Variants in PLAAT3 observed in about 807,000 individuals in gnomAD.
PLAAT3 encodes the protein Ca-independent phospholipase A1/2.
Under a neutral mutation model 16.7 loss-of-function variants are expected in PLAAT3, and 21 were observed. The observed-to-expected ratio is 1.26, with a 90% CI of 0.89 to 1.81. The LOEUF is 1.81. PLAAT3 is among the 40% of genes most tolerant of loss of function. The pLI, the probability that PLAAT3 is intolerant of heterozygous loss-of-function variation, is 0.00. For missense variants in PLAAT3, 219 were observed against 213.7 expected, an observed-to-expected ratio of 1.02 and a Z score of -0.16; for synonymous variants, 76 against 81.7, an observed-to-expected ratio of 0.93 and a Z score of 0.38.
At chr11:63,600,591 T>TGTTTC (rs1285816889) in intron 2 of PLAAT3, among the ~76,000 whole-genome samples, 1 of 148,118 alleles carries the variant, frequency 6.8e-6, no homozygotes, top group Non-Finnish European at 1.5e-5. Flanking sequence ...TTGTTTTTTT[T>TGTTTC]GTTTTGTTTT....
intron 4 of PLAAT3, among the ~76,000 whole-genome samples, chr11:63,577,486 A>C (rs1237889293): frequency 6.6e-6 from 1 of 152,140 alleles, no homozygotes; most frequent in East Asian, 1.9e-4. Flanking sequence ...GTGTACTTTT[A>C]ATCATGAGCA....
Position 63,590,310 on chromosome 11 carries a change from G to A in PLAAT3, c.177C>T (p.Ile59=), listed in dbSNP as rs138295918. Residue 59 remains isoleucine (I), a synonymous_variant, in exon 4 of 5, where the codon ATC becomes ATT. Coordinates refer to ENST00000415826, the MANE Select transcript of PLAAT3 (RefSeq NM_001128203.2). ...CATCATACAGCAATTCCTTCTTCAC[G>A]ATGGCCTTGTCAGTCAGGGCGGACA... ...SVMSALTDKA[I]VKKELLYDVA... 6.3e-5 allele frequency: 101 copies of A among 1,613,924 alleles called. No individual in the cohort carries two copies. Among genetic ancestry groups the A allele is most frequent in the African/African-American group, 3.6e-4 (27 of 74,930 alleles).
intron 4 of PLAAT3, among the ~76,000 whole-genome samples, chr11:63,589,886 A>T (rs1938096300): frequency 7.0e-6 from 1 of 142,252 alleles, no homozygotes; most frequent in African/African-American, 2.6e-5. Flanking sequence ...TTCCTTGGCC[A>T]CCCACCCCCG....
chr11:63,590,722 G>A (rs894285713), intron 3 of PLAAT3, among the ~76,000 whole-genome samples: 8 of 152,202 alleles, frequency 5.3e-5, no homozygotes, highest in African/African-American at 1.7e-4. Flanking sequence ...AGACTTTTAT[G>A]ATGGCATCAG....
At chr11:63,579,443 A>G (rs1343108574) in intron 4 of PLAAT3, among the ~76,000 whole-genome samples, 1 of 152,116 alleles carries the variant, frequency 6.6e-6, no homozygotes, top group African/African-American at 2.4e-5. Context: ...TTGCAGCACT[A>G]TTCACAATAG....
At chr11:63,615,102 A>ATATGTGTG (rs1565259667), upstream of PLAAT3, among the ~76,000 whole-genome samples, 2 of 69,824 alleles carry the variant, frequency 2.9e-5, no homozygotes, top group Admixed American at 1.6e-4. Context: ...ATATATGTGT[A>ATATGTGTG]TATATGTGTG....
chr11:63,609,887 C>T (rs1184267775), intron 2 of PLAAT3, among the ~76,000 whole-genome samples: 1 of 152,210 alleles, frequency 6.6e-6, no homozygotes, highest in East Asian at 1.9e-4. Flanking sequence ...GGGCAAACCT[C>T]ACCTTCTGGT....
intron 2 of PLAAT3, among the ~76,000 whole-genome samples, chr11:63,609,813 A>G (rs761211989): frequency 7.9e-4 from 120 of 152,164 alleles, no homozygotes; most frequent in Non-Finnish European, 1.2e-3. Context: ...CATCCTGGAA[A>G]AGGAAGCAAA....
chr11:63,579,962 G>A (rs1937759589), intron 4 of PLAAT3, among the ~76,000 whole-genome samples: 1 of 151,010 alleles, frequency 6.6e-6, no homozygotes, highest in African/African-American at 2.4e-5. Context: ...TCTATACCCA[G>A]ACAAAGTATC....
At chr11:63,594,014 G>T (rs369538814) in intron 3 of PLAAT3, among the ~76,000 whole-genome samples, 9 of 152,194 alleles carry the variant, frequency 5.9e-5, no homozygotes, top group African/African-American at 2.2e-4. Context: ...ATACCAGGGC[G>T]CTGCAGTGGG....
intron 3 of PLAAT3, among the ~76,000 whole-genome samples, chr11:63,593,096 C>T (rs1448018830): frequency 6.6e-6 from 1 of 152,150 alleles, no homozygotes; most frequent in Non-Finnish European, 1.5e-5. Context: ...ATACTGAGGC[C>T]CTACTGGGTG....
At chr11:63,589,756 T>G (rs1372323558) in intron 4 of PLAAT3, among the ~76,000 whole-genome samples, 1 of 152,166 alleles carries the variant, frequency 6.6e-6, no homozygotes, top group African/African-American at 2.4e-5. Flanking sequence ...TAAGCTCAGT[T>G]TCCCAATCTG....
At chr11:63,601,545 TG>T (rs753316287) in intron 2 of PLAAT3, among the ~76,000 whole-genome samples, 120 of 152,220 alleles carry the variant, frequency 7.9e-4, no homozygotes, top group Non-Finnish European at 1.4e-3. Flanking sequence ...TAAAAGACAG[TG>T]GGCTCACCTA....
chr11:63,600,321 CA>C (rs941241698), intron 2 of PLAAT3, among the ~76,000 whole-genome samples: 1 of 151,884 alleles, frequency 6.6e-6, no homozygotes, highest in Non-Finnish European at 1.5e-5. Context: ...ATTACGATGA[CA>C]AAAAATAATT....
At position 63,607,480 on chromosome 11, in the gene PLAAT3, T is replaced by C. The variant is rs537731860; in HGVS notation, c.15+6520A>G. On this transcript the variant is annotated intron_variant, in intron 2 of 4. Transcript: ENST00000415826. ...GTTCAAGGCCAGCCTGGGAAACATG[T>C]GAGACCCCATCTCTAAAATTTAAAA... Among the ~76,000 whole-genome samples the C allele has an allele frequency of 3.1e-3, 478 of 151,766 alleles. 2 individuals are homozygous for C. Among genetic ancestry groups the C allele is most frequent in the African/African-American group, 0.011 (450 of 41,348 alleles).
chr11:63,615,030 G>GTATATATA (rs1241966323), upstream of PLAAT3, among the ~76,000 whole-genome samples: 12 of 34,226 alleles, frequency 3.5e-4, 3 homozygotes, highest in Non-Finnish European at 6.4e-4. Context: ...ATATATATGT[G>GTATATATA]TGTATATATA....
chr11:63,606,796 G>T (rs543398086), intron 2 of PLAAT3, among the ~76,000 whole-genome samples: 40 of 152,306 alleles, frequency 2.6e-4, no homozygotes, highest in African/African-American at 7.2e-4. Context: ...GGAAGCGGGG[G>T]TAGAACGGAG....
chr11:63,611,779 A>C (rs1938698274), intron 2 of PLAAT3, among the ~76,000 whole-genome samples: 1 of 152,252 alleles, frequency 6.6e-6, no homozygotes, highest in African/African-American at 2.4e-5. Context: ...AAGGTTCACT[A>C]TCACTCAGCC....
At chr11:63,578,930 C>T (rs939674758) in intron 4 of PLAAT3, among the ~76,000 whole-genome samples, 2 of 152,102 alleles carry the variant, frequency 1.3e-5, no homozygotes, top group Non-Finnish European at 2.9e-5. Context: ...TCAGAGTGAA[C>T]AGGCAACCTA....
Sources: allele counts gnomAD v4.1 joint callset (sites outside exome capture counted in the v4.1 genomes callset), GRCh38; gene constraint gnomAD v4.1.1; transcripts MANE v1.5; gene names NCBI Gene and HGNC (gene_info 2026-07-23, HGNC 2026-07-21).